Variants in LITAF observed in about 807,000 individuals in gnomAD.
LITAF encodes the protein lipopolysaccharide induced TNF factor.
LITAF carries 9 observed loss-of-function variants against 14.5 expected under a neutral mutation model. The ratio of observed to expected loss-of-function variants is 0.62; its 90% confidence interval spans 0.37 to 1.08. LITAF has a LOEUF of 1.08. Ranked by LOEUF, LITAF falls within the 50% of genes least tolerant of loss-of-function variation. The probability of loss-of-function intolerance (pLI) is 0.01; values close to 1 mark genes in which losing one functional copy is unlikely to be tolerated. For missense variants in LITAF, 206 were observed against 213.4 expected, an observed-to-expected ratio of 0.97 and a Z score of 0.22; for synonymous variants, 98 against 88.2, an observed-to-expected ratio of 1.11 and a Z score of -0.62.
At chr16:11,613,543 ACTC>A (rs2141881403) in intron 3 of LITAF, among the ~76,000 whole-genome samples, 1 of 152,114 alleles carries the variant, frequency 6.6e-6, no homozygotes, top group Admixed American at 6.5e-5. Context: ...AGAACGGACA[ACTC>A]CTGGAGGGTG....
intron 3 of LITAF, among the ~76,000 whole-genome samples, chr16:11,612,244 G>A (rs12445804): frequency 0.085 from 12,974 of 152,152 alleles, 1,098 homozygotes; most frequent in East Asian, 0.49. Context: ...TAAAACGGGG[G>A]TCTCTCCAGT....
intron 3 of LITAF, among the ~76,000 whole-genome samples, chr16:11,622,613 GT>G (rs1486306598): frequency 6.6e-6 from 1 of 152,170 alleles, no homozygotes; most frequent in Non-Finnish European, 1.5e-5. Context: ...CTTTTGCACC[GT>G]TTAACAGGGT....
intron 1 of LITAF, among the ~76,000 whole-genome samples, chr16:11,570,626 T>C (rs2064526951): frequency 6.6e-6 from 1 of 152,166 alleles, no homozygotes; most frequent in African/African-American, 2.4e-5. Context: ...ATTAAGAATC[T>C]TGAGATGAGG....
At chr16:11,594,186 GAA>G (rs34586225) in intron 1 of LITAF, among the ~76,000 whole-genome samples, 25 of 144,064 alleles carry the variant, frequency 1.7e-4, no homozygotes, top group Admixed American at 2.1e-4. Context: ...ACCCTGTCTC[GAA>G]AAAAAAAAAA....
chr16:11,606,644 G>A (rs2141872341), intron 3 of LITAF, among the ~76,000 whole-genome samples: 1 of 151,418 alleles, frequency 6.6e-6, no homozygotes, highest in South Asian at 2.1e-4. Flanking sequence ...GTATCTCTGA[G>A]GTATGCCTGC....
At chr16:11,587,142 C>T (rs1178196027), upstream of LITAF, 3 of 319,068 alleles carry the variant, frequency 9.4e-6, no homozygotes, top group Non-Finnish European at 1.9e-5. Flanking sequence ...CAGAGCTTCC[C>T]AGGCTTACCC....
intron 1 of LITAF, among the ~76,000 whole-genome samples, chr16:11,595,395 A>C (rs1359278863): frequency 6.6e-6 from 1 of 152,126 alleles, no homozygotes; most frequent in Non-Finnish European, 1.5e-5. Flanking sequence ...TCATGGGCAG[A>C]GGGAGGCTTT....
intron 1 of LITAF, among the ~76,000 whole-genome samples, chr16:11,581,557 T>G (rs969553033): frequency 6.6e-6 from 1 of 152,108 alleles, no homozygotes; most frequent in South Asian, 2.1e-4. Context: ...AGGTTGAGGC[T>G]GCATGGAGCT....
chr16:11,587,360 G>T (rs1200194721), upstream of LITAF: 2 of 452,812 alleles, frequency 4.4e-6, no homozygotes, highest in Non-Finnish European at 8.8e-6. Flanking sequence ...CCCGCGCTGG[G>T]GCGCTCCCGG....
In LITAF at chr16:11,614,232, C is replaced by T. The variant is rs566451930; in HGVS notation, c.85+19301G>A. 3.8e-4 allele frequency among the ~76,000 whole-genome samples: 58 copies of T among 152,120 alleles called. 1 individual carries two copies. In the South Asian group the frequency reaches 0.012, roughly 31 times the overall value. ...AGTCTGAAATCAAGATGTCAGCGGG[C>T]TGGTCCTTCTGGAGGCCTTCTCCTT... On this transcript the variant is annotated intron_variant, in intron 3 of 3. Coordinates refer to the LITAF transcript ENST00000574848.
At chr16:11,604,626 G>A (rs2064945085) in intron 3 of LITAF, among the ~76,000 whole-genome samples, 1 of 124,996 alleles carries the variant, frequency 8.0e-6, no homozygotes, top group African/African-American at 3.2e-5. Context: ...GGGCAACACA[G>A]CAAGACTCTG....
rs973554477 is a variant in LITAF, at chr16:11,586,574, C to T, written c.-6+312G>A. Among the ~76,000 whole-genome samples, 1 of 151,982 alleles carries T rather than the reference C, an allele frequency of 6.6e-6. No homozygotes were observed. The highest frequency in any genetic ancestry group is 2.4e-5 in the African/African-American group (1 of 41,422). Reference sequence around the variant, plus strand: ...TCTCCGGGGAGGGGGACGCGGCGGGCCGCGAAGGGCGCTCGTTCGGGTGGG... The same window carrying T: ...TCTCCGGGGAGGGGGACGCGGCGGGTCGCGAAGGGCGCTCGTTCGGGTGGG... On this transcript the variant is annotated intron_variant, in intron 1 of 3. Coordinates refer to ENST00000622633, the MANE Select transcript of LITAF (RefSeq NM_001136472.2). The surrounding 1 kb of genome is among the most constrained non-coding windows in gnomAD (Gnocchi z 6.5).
At chr16:11,622,953 T>C (rs1289853479) in intron 3 of LITAF, among the ~76,000 whole-genome samples, 1 of 7,324 alleles carries the variant, frequency 1.4e-4, no homozygotes, top group African/African-American at 2.5e-4. Flanking sequence ...AATGAATATA[T>C]ATATATATAT....
intron 1 of LITAF, among the ~76,000 whole-genome samples, chr16:11,569,337 C>T (rs900013173): frequency 2.0e-5 from 3 of 152,234 alleles, no homozygotes; most frequent in African/African-American, 7.2e-5. Context: ...AACTCCTGGG[C>T]CCAAGTGATC....
intron 2 of LITAF, among the ~76,000 whole-genome samples, chr16:11,555,488 G>A (rs975063440): frequency 3.9e-5 from 6 of 152,010 alleles, no homozygotes; most frequent in African/African-American, 7.2e-5. Flanking sequence ...AGTGAGACCC[G>A]ATTTACACAA....
intron 1 of LITAF, among the ~76,000 whole-genome samples, chr16:11,557,068 TTTTTTG>T (rs1295604605): frequency 1.1e-5 from 1 of 95,138 alleles, no homozygotes; most frequent in Non-Finnish European, 2.2e-5. Flanking sequence ...TTCGTTGTTT[TTTTTTG>T]TTTGTTTTTT....
upstream of LITAF, among the ~76,000 whole-genome samples, chr16:11,637,450 C>G (rs781616423): frequency 3.9e-5 from 6 of 152,224 alleles, no homozygotes; most frequent in Non-Finnish European, 8.8e-5. Context: ...CTGCTTACAT[C>G]AGCCAAGTCT....
chr16:11,578,866 C>G (rs2064685857), intron 1 of LITAF, among the ~76,000 whole-genome samples: 1 of 152,192 alleles, frequency 6.6e-6, no homozygotes. Flanking sequence ...ACTAACATAG[C>G]CAGGGTGGCT....
intron 1 of LITAF, among the ~76,000 whole-genome samples, chr16:11,563,239 C>A (rs1466760033): frequency 6.6e-6 from 1 of 152,090 alleles, no homozygotes; most frequent in Admixed American, 6.6e-5. Flanking sequence ...ACCTCCGCTT[C>A]CCAGGCTCAA....
Sources: allele counts gnomAD v4.1 joint callset (sites outside exome capture counted in the v4.1 genomes callset), GRCh38; gene constraint gnomAD v4.1.1; non-coding constraint Gnocchi (gnomAD v3.1); transcripts MANE v1.5; gene names NCBI Gene and HGNC (gene_info 2026-07-23, HGNC 2026-07-21).